The following RBFOX3 variants were observed in gnomAD, a reference collection of about 807,000 sequenced individuals.
RBFOX3 encodes the protein RNA binding protein fox-1 homolog 3.
RBFOX3 carries 17 observed loss-of-function variants against 48.7 expected under a neutral mutation model. The ratio of observed to expected loss-of-function variants is 0.35; its 90% CI spans 0.24 to 0.52. RBFOX3 has a LOEUF of 0.52. RBFOX3 is among the 20% of genes least tolerant of loss of function. The pLI, the probability that RBFOX3 is intolerant of heterozygous loss-of-function variation, is 0.94. For synonymous variants in RBFOX3, 212 were observed against 209.5 expected (o/e 1.01, Z -0.10); for missense variants, 382 against 497.5 (o/e 0.77, Z 2.21).
At chr17:79,445,913 C>T (rs1284425264) in intron 2 of RBFOX3, among the ~76,000 whole-genome samples, 1 of 152,186 alleles carries the variant, frequency 6.6e-6, no homozygotes, top group Non-Finnish European at 1.5e-5. Flanking sequence ...GGTGGGTTTG[C>T]CCCTGGGGCC....
intron 3 of RBFOX3, among the ~76,000 whole-genome samples, chr17:79,283,972 G>A (rs937732196): frequency 9.7e-5 from 14 of 144,364 alleles, no homozygotes; most frequent in Admixed American, 3.5e-4. Flanking sequence ...CAGGACCATC[G>A]TAACATTTGC....
chr17:79,440,831 C>T (rs2149003483), intron 2 of RBFOX3, among the ~76,000 whole-genome samples: 1 of 152,254 alleles, frequency 6.6e-6, no homozygotes, highest in African/African-American at 2.4e-5. Context: ...CTCCTGACCA[C>T]GGCCTCCCTT....
At chr17:79,365,808 G>A (rs2057657843) in intron 2 of RBFOX3, among the ~76,000 whole-genome samples, 2 of 152,246 alleles carry the variant, frequency 1.3e-5, no homozygotes, top group South Asian at 4.1e-4. Context: ...GCAGGCACCT[G>A]GCAGGGTCAA....
chr17:79,287,049 C>T (rs1316676490), intron 3 of RBFOX3, among the ~76,000 whole-genome samples: 1 of 152,256 alleles, frequency 6.6e-6, no homozygotes, highest in Admixed American at 6.5e-5. Flanking sequence ...CCTGACGCAG[C>T]TCGAGGGGCT....
At chr17:79,126,291 A>G (rs114259727) in intron 4 of RBFOX3, among the ~76,000 whole-genome samples, 4,303 of 152,292 alleles carry the variant, frequency 0.028, 200 homozygotes, top group African/African-American at 0.096. Flanking sequence ...GTCCACTTCC[A>G]GAGTCTGGGG....
At chr17:79,599,041 C>T (rs2093640037) in intron 1 of RBFOX3, 1 of 152,176 alleles carries the variant, frequency 6.6e-6, no homozygotes, top group South Asian at 2.1e-4. Flanking sequence ...GCCTCCCCCT[C>T]CCCAGGAGAC....
chr17:79,608,861 C>A (rs2093900630), intron 1 of RBFOX3, among the ~76,000 whole-genome samples: 1 of 152,144 alleles, frequency 6.6e-6, no homozygotes, highest in Non-Finnish European at 1.5e-5. Flanking sequence ...AAAGGGAGCT[C>A]CTCGCCCGCA....
chr17:79,478,014 C>T (rs979245388), intron 2 of RBFOX3, among the ~76,000 whole-genome samples: 9 of 152,176 alleles, frequency 5.9e-5, no homozygotes, highest in African/African-American at 2.2e-4. Flanking sequence ...AGCAACGTCC[C>T]ATCCGCTTCT....
the RBFOX3 span, among the ~76,000 whole-genome samples, chr17:79,642,016 C>CT: frequency 6.6e-6 from 1 of 152,114 alleles, no homozygotes; most frequent in Non-Finnish European, 1.5e-5. Flanking sequence ...AATTAAACCT[C>CT]TTTTTTTAAT....
chr17:79,322,500 G>C (rs2078680927), intron 2 of RBFOX3, among the ~76,000 whole-genome samples: 3 of 152,164 alleles, frequency 2.0e-5, no homozygotes, highest in African/African-American at 7.2e-5. Context: ...TAACAGATTG[G>C]GCTAGTAGAT....
intron 1 of RBFOX3, among the ~76,000 whole-genome samples, chr17:79,494,863 C>T (rs2149647374): frequency 6.6e-6 from 1 of 152,322 alleles, no homozygotes; most frequent in South Asian, 2.1e-4. Flanking sequence ...GAGATAGCCA[C>T]ACCCAACAGA....
rs1428632930 is a variant in RBFOX3 at position 79,535,856 on chromosome 17, C to G, written c.-319-53258G>C. On this transcript the variant is annotated intron_variant, in intron 1 of 14. Transcript: ENST00000693108. The surrounding 1 kb of genome is among the most constrained non-coding windows in gnomAD (Gnocchi z 4.5). ...GGGGCCGTGGGTTGATCTCTGCTCCCCCTCAGTCACAAACCCACTCCTGGT... is the reference window on the plus strand; with the variant it reads ...GGGGCCGTGGGTTGATCTCTGCTCCGCCTCAGTCACAAACCCACTCCTGGT... Among the ~76,000 whole-genome samples the G allele has an allele frequency of 6.6e-6, 1 of 152,136 alleles. No homozygotes were observed. Among genetic ancestry groups the G allele is most frequent in the East Asian group, 1.9e-4 (1 of 5,192 alleles).
chr17:79,110,879 T>C (rs1452665883), intron 5 of RBFOX3, among the ~76,000 whole-genome samples: 1 of 152,222 alleles, frequency 6.6e-6, no homozygotes, highest in East Asian at 1.9e-4. Context: ...TGAGCCTCAC[T>C]GTGGCGTTGC....
chr17:79,659,594 C>G, the RBFOX3 span, among the ~76,000 whole-genome samples: 10 of 152,142 alleles, frequency 6.6e-5, no homozygotes. Flanking sequence ...AGCCACACCC[C>G]AGACACCACG....
At position 79,459,339 on chromosome 17, in the gene RBFOX3, G is replaced by A. The variant is rs117064859; in HGVS notation, c.-175+23115C>T. On this transcript the variant is annotated intron_variant, in intron 2 of 14. Transcript: ENST00000693108. ...GCTGGGGAGGCTGGAGGGCAGGGGC[G>A]GATGTGCAGAGCGTTCAGGACTCTC... Among the ~76,000 whole-genome samples, 86 of 152,270 alleles carry A rather than the reference G, an allele frequency of 5.6e-4. No individual in the cohort carries two copies. The East Asian group carries it at 0.015, about 27-fold the overall frequency.
intron 2 of RBFOX3, among the ~76,000 whole-genome samples, chr17:79,438,633 C>T (rs974898839): frequency 6.6e-6 from 1 of 152,240 alleles, no homozygotes; most frequent in African/African-American, 2.4e-5. Context: ...GGCCCAGTAC[C>T]ACATAGGTGA....
chr17:79,161,421 C>A (rs1368140485), intron 4 of RBFOX3, among the ~76,000 whole-genome samples: 1 of 152,228 alleles, frequency 6.6e-6, no homozygotes, highest in East Asian at 1.9e-4. Flanking sequence ...TCCGTCTCCG[C>A]ATACCAGCTG....
At chr17:79,142,737 G>A (rs2042157194) in intron 4 of RBFOX3, among the ~76,000 whole-genome samples, 1 of 152,118 alleles carries the variant, frequency 6.6e-6, no homozygotes, top group Admixed American at 6.5e-5. Flanking sequence ...CCCAGTCTGG[G>A]GCTCTTACGA....
chr17:79,583,720 G>C (rs1374420647), intron 1 of RBFOX3, among the ~76,000 whole-genome samples: 1 of 152,192 alleles, frequency 6.6e-6, no homozygotes, highest in Admixed American at 6.5e-5. Flanking sequence ...ATTTCATGAA[G>C]CACTATCATC....
Sources: gnomAD v4.1 joint callset for allele counts (sites outside exome capture counted in the v4.1 genomes callset) on GRCh38, gnomAD v4.1.1 for gene constraint, Gnocchi (gnomAD v3.1) non-coding constraint, MANE v1.5 for transcripts, NCBI Gene and HGNC (gene_info 2026-07-23, HGNC 2026-07-21) for gene names.